The following MINAR2 variants were observed in gnomAD, a reference collection of about 807,000 sequenced individuals.
MINAR2 encodes membrane integral NOTCH2 associated receptor 2.
In MINAR2, 21 loss-of-function variants were observed where a neutral mutation model predicts 16.1. The ratio of observed to expected loss-of-function variants is 1.31; its 90% CI spans 0.93 to 1.88. The LOEUF is 1.88. Ranked by LOEUF, MINAR2 falls within the 40% of genes most tolerant of loss-of-function variation. The pLI is 0.00. For synonymous variants in MINAR2, 86 were observed against 83.0 expected (o/e 1.04, Z -0.20); for missense variants, 259 against 229.8 (o/e 1.13, Z -0.82).
intron 1 of MINAR2, among the ~76,000 whole-genome samples, chr5:129,755,089 G>A (rs1209624051): frequency 6.6e-6 from 1 of 151,872 alleles, no homozygotes. Context: ...GTCTTTTTCT[G>A]ACCTATTGCA....
rs914271785 is a variant in MINAR2 at position 129,751,521 on chromosome 5, T to C, written c.165+3166T>C. Among the ~76,000 whole-genome samples, 4 of 152,300 alleles carry C rather than the reference T, an allele frequency of 2.6e-5. No homozygotes were observed. The South Asian group carries it at 8.3e-4, about 32-fold the overall frequency. On this transcript the variant is annotated intron_variant, in intron 1 of 2. Transcript: ENST00000564719. ...CATGCCTGGCCTCAATCTAGGAAAA[T>C]AAGCAGTGATGGTCTCAGTTGATTC...
intron 1 of MINAR2, among the ~76,000 whole-genome samples, chr5:129,749,493 A>G (rs142551284): frequency 1.5e-3 from 230 of 152,252 alleles, no homozygotes; most frequent in African/African-American, 5.3e-3. Context: ...ATTTTGCATC[A>G]ATCACTTTGG....
chr5:129,760,714 C>T (rs1758124228), intron 2 of MINAR2, 109 bp downstream of exon 2: 13 of 803,992 alleles, frequency 1.6e-5, no homozygotes, highest in Non-Finnish European at 2.3e-5. Context: ...GGCGCAGAAT[C>T]TCTAGATTTC....
chr5:129,760,627 C>A (rs1365263394), intron 2 of MINAR2, 22 bp downstream of exon 2: 2 of 1,482,476 alleles, frequency 1.3e-6, no homozygotes, highest in Non-Finnish European at 1.8e-6. Context: ...TAAGAGTCAA[C>A]CTCTTCAACT....
At chr5:129,753,750 T>C (rs1434819216) in intron 1 of MINAR2, among the ~76,000 whole-genome samples, 4 of 143,190 alleles carry the variant, frequency 2.8e-5, no homozygotes, top group African/African-American at 1.0e-4. Flanking sequence ...GGGACTCCGT[T>C]GAAAGAGAGA....
At position 129,760,485 on chromosome 5, in the gene MINAR2, C is replaced by T; in HGVS notation, c.273C>T (p.Asn91=). Residue 91 remains asparagine (N), a synonymous_variant, in exon 2 of 3, where the codon AAC becomes AAT. Transcript: ENST00000564719. The stretch of plus-strand genomic sequence containing the variant: ...CCATGTCATCAGTTATGAAGAATAA[C>T]CCACTCTATGGTGACCTAAGTTTGG... The part of the protein sequence containing the change: ...PPSMSSVMKN[N]PLYGDLSLEE... 3.3e-6 allele frequency: 5 copies of T among 1,535,776 alleles called. No individual in the cohort carries two copies. The highest frequency in any genetic ancestry group is 4.4e-6 in the Non-Finnish European group (5 of 1,146,578).
rs1035173265 is a variant in MINAR2, at chr5:129,748,171, C to T, written c.-20C>T. The stretch of plus-strand genomic sequence containing the variant: ...AGCAGCTTTGCCTGTCTTTGTTTTC[C>T]ACTGTAGGTGAAGGGAGACATGGAT... On this transcript the variant is annotated 5_prime_UTR_variant, in exon 1 of 3. Coordinates refer to ENST00000564719, the MANE Select transcript of MINAR2 (RefSeq NM_001257308.2). 4 of 1,532,840 alleles carry T rather than the reference C, an allele frequency of 2.6e-6. No homozygotes were observed. The highest frequency in any genetic ancestry group is 3.5e-6 in the Non-Finnish European group (4 of 1,145,040). 95.0% of individuals were successfully genotyped at this position (1,532,840 alleles called of 1,614,324 possible).
chr5:129,760,581 C>T lies in MINAR2; in HGVS notation c.369C>T (p.His123=), dbSNP rs755975801. ...AGGAATATGACAAACATTCCCTGCA[C>T]ACAAACCTCTCTGGACATCTGAAGG... ...TIEEYDKHSL[H]TNLSGHLKEN... is the part of the protein sequence containing the mutation. Residue 123 remains histidine (H), a synonymous_variant, in exon 2 of 3, where the codon CAC becomes CAT. Coordinates refer to ENST00000564719, the MANE Select transcript of MINAR2 (RefSeq NM_001257308.2). 6.5e-7 allele frequency: 1 copy of T among 1,535,308 alleles called. No homozygotes were observed.
intron 1 of MINAR2, among the ~76,000 whole-genome samples, chr5:129,756,402 A>G (rs1197301823): frequency 1.3e-4 from 20 of 151,632 alleles, no homozygotes; most frequent in Non-Finnish European, 2.8e-4. Context: ...GTGGTGATTT[A>G]TGAGATTTTG....
intron 2 of MINAR2, among the ~76,000 whole-genome samples, chr5:129,762,010 G>A (rs10044103): frequency 0.17 from 26,242 of 151,848 alleles, 2,466 homozygotes; most frequent in East Asian, 0.3. Context: ...GCTGGGGCCT[G>A]TGAGGGGTGG....
chr5:129,765,097 C>A lies in MINAR2; in HGVS notation c.*34C>A. On this transcript the variant is annotated 3_prime_UTR_variant, in exon 3 of 3. Coordinates refer to ENST00000564719, the MANE Select transcript of MINAR2 (RefSeq NM_001257308.2). The stretch of plus-strand genomic sequence containing the variant: ...CAACAATCAGAGCTACTTTAAATTT[C>A]CTAAAAATTTTTCTGATAAACATTT... 1 of 1,232,000 alleles carries A rather than the reference C, an allele frequency of 8.1e-7. No individual in the cohort carries two copies. The highest frequency in any genetic ancestry group is 3.8e-5 in the South Asian group (1 of 26,366). 76.3% of individuals were successfully genotyped at this position (1,232,000 alleles called of 1,614,324 possible). A position where few individuals can be genotyped will look rare whatever the true frequency, so the allele number is the denominator to read the frequency against.
At chr5:129,759,817 GCTAT>G (rs1366514135) in intron 1 of MINAR2, among the ~76,000 whole-genome samples, 9 of 110,054 alleles carry the variant, frequency 8.2e-5, no homozygotes, top group African/African-American at 2.1e-4. Context: ...CAGTATTAGA[GCTAT>G]CTAACAGTCA....
At chr5:129,763,378 C>T (rs532337321) in intron 2 of MINAR2, among the ~76,000 whole-genome samples, 1 of 152,316 alleles carries the variant, frequency 6.6e-6, no homozygotes, top group South Asian at 2.1e-4. Context: ...AACTTACTTT[C>T]TGAAACCTTG....
At position 129,765,219 on chromosome 5, in the gene MINAR2, G is replaced by T; in HGVS notation, c.*156G>T. 1 of 441,944 alleles carries T rather than the reference G, an allele frequency of 2.3e-6. No homozygotes were observed. Among genetic ancestry groups the T allele is most frequent in the Non-Finnish European group, 3.8e-6 (1 of 266,442 alleles). 27.4% of individuals were successfully genotyped at this position (441,944 alleles called of 1,614,324 possible). On this transcript the variant is annotated 3_prime_UTR_variant, in exon 3 of 3. Coordinates refer to ENST00000564719, the MANE Select transcript of MINAR2 (RefSeq NM_001257308.2). The stretch of plus-strand genomic sequence containing the variant: ...TAAATGTAATTGTCCTGAAGAATGT[G>T]AATGTCAGGCGTGGTATGCTGGCTT...
chr5:129,762,964 G>T (rs1758157573), intron 2 of MINAR2, among the ~76,000 whole-genome samples: 1 of 152,118 alleles, frequency 6.6e-6, no homozygotes, highest in South Asian at 2.1e-4. Flanking sequence ...TTAAGTAACA[G>T]AATAATGAGA....
At chr5:129,750,605 A>C (rs1757974261) in intron 1 of MINAR2, among the ~76,000 whole-genome samples, 1 of 152,244 alleles carries the variant, frequency 6.6e-6, no homozygotes, top group Non-Finnish European at 1.5e-5. Context: ...TGAAACATGA[A>C]GTAAAAGCAA....
rs61546560 is a variant in MINAR2, at chr5:129,766,657, C to CAAAAAAA, written c.*1597_*1598insAAAAAAA. On this transcript the variant is annotated 3_prime_UTR_variant, in exon 3 of 3. Transcript: ENST00000564719. The stretch of plus-strand genomic sequence containing the variant: ...CATAAAAAAAAAAAAAAAAAAAAAA[C>CAAAAAAA]AAACAAACAAACAAAAAAAACCCCA... 5.4e-5 allele frequency: 6 copies of CAAAAAAA among 111,664 alleles called. No homozygotes were observed. Among genetic ancestry groups the CAAAAAAA allele is most frequent in the Non-Finnish European group, 7.0e-5 (4 of 57,170 alleles). The allele number at this position is 111,664 out of a possible 1,614,324, so 6.9% of individuals were successfully genotyped here. A position where few individuals can be genotyped will look rare whatever the true frequency, so the allele number is the denominator to read the frequency against.
At chr5:129,759,585 A>T (rs937596055) in intron 1 of MINAR2, among the ~76,000 whole-genome samples, 1 of 152,138 alleles carries the variant, frequency 6.6e-6, no homozygotes, top group Non-Finnish European at 1.5e-5. Flanking sequence ...GATGAATCCA[A>T]ACTAATCTAT....
chr5:129,757,127 T>C (rs994507165), intron 1 of MINAR2, among the ~76,000 whole-genome samples: 2 of 151,358 alleles, frequency 1.3e-5, no homozygotes, highest in Admixed American at 1.3e-4. Flanking sequence ...TAGAGCACAT[T>C]CACAAGAGTC....
Sources: allele counts gnomAD v4.1 joint callset (sites outside exome capture counted in the v4.1 genomes callset), GRCh38; gene constraint gnomAD v4.1.1; transcripts MANE v1.5; gene names NCBI Gene and HGNC (gene_info 2026-07-23, HGNC 2026-07-21).